NRG3: variants seen among roughly 807,000 people sequenced by gnomAD.
The protein encoded by NRG3 is pro-neuregulin-3, membrane-bound isoform.
Under a neutral mutation model 66.9 loss-of-function variants are expected in NRG3, and 31 were observed. The observed-to-expected ratio is 0.46, with a 90% CI of 0.35 to 0.63. The LOEUF is 0.63. Among genes scored for constraint, NRG3 ranks in the 20% least tolerant of loss-of-function variants. The pLI is 0.00. For missense variants in NRG3, 910 were observed against 878.9 expected, an observed-to-expected ratio of 1.04 and a Z score of -0.45; for synonymous variants, 393 against 359.4, an observed-to-expected ratio of 1.09 and a Z score of -1.06.
intron 3 of NRG3, among the ~76,000 whole-genome samples, chr10:82,789,524 G>A (rs2060498862): frequency 6.6e-6 from 1 of 151,906 alleles, no homozygotes; most frequent in Non-Finnish European, 1.5e-5. Context: ...TGTTTGCATG[G>A]CATATCATTT....
At chr10:82,059,987 A>G (rs2064057283) in intron 1 of NRG3, among the ~76,000 whole-genome samples, 2 of 152,352 alleles carry the variant, frequency 1.3e-5, no homozygotes, top group South Asian at 4.1e-4. Flanking sequence ...CTGGACCCCA[A>G]GGAAATCAAC....
chr10:82,604,452 G>T (rs890538494), intron 2 of NRG3, among the ~76,000 whole-genome samples: 6 of 152,028 alleles, frequency 3.9e-5, no homozygotes, highest in Non-Finnish European at 7.4e-5. Context: ...AGGCCATTTT[G>T]GTTGCTGTCA....
intron 1 of NRG3, among the ~76,000 whole-genome samples, chr10:82,105,317 AAAGCCCGATATTGT>A (rs1461869926): frequency 2.6e-5 from 4 of 152,154 alleles, no homozygotes; most frequent in African/African-American, 7.2e-5. Context: ...GTACAAGTAG[AAAGCCCGATATTGT>A]AAGCTCTCAA....
chr10:82,853,690 G>A (rs7085792), intron 3 of NRG3, among the ~76,000 whole-genome samples: 3,484 of 152,128 alleles, frequency 0.023, 143 homozygotes, highest in African/African-American at 0.08. Flanking sequence ...TCAGTTCTAG[G>A]CATTTTTTGG....
At chr10:82,771,035 C>T (rs1189566581) in intron 3 of NRG3, among the ~76,000 whole-genome samples, 1 of 152,042 alleles carries the variant, frequency 6.6e-6, no homozygotes, top group South Asian at 2.1e-4. Flanking sequence ...AATTAATGAT[C>T]CAAGGATTTA....
At chr10:82,377,229 A>G (rs1028395507) in intron 2 of NRG3, among the ~76,000 whole-genome samples, 8 of 152,226 alleles carry the variant, frequency 5.3e-5, no homozygotes, top group African/African-American at 1.7e-4. Flanking sequence ...CATTTTATGC[A>G]TGTGTCATAT....
At chr10:82,838,118 A>G (rs2062870637) in intron 3 of NRG3, among the ~76,000 whole-genome samples, 1 of 152,168 alleles carries the variant, frequency 6.6e-6, no homozygotes, top group Non-Finnish European at 1.5e-5. Flanking sequence ...TGGAGGAGTA[A>G]CTTTGGTCTT....
chr10:82,924,578 T>TA (rs11376707), intron 4 of NRG3, among the ~76,000 whole-genome samples: 67,061 of 142,268 alleles, frequency 0.47, 15,909 homozygotes, highest in East Asian at 0.64. Context: ...TATCTCACAT[T>TA]AAAAAAAAAA....
At chr10:82,983,399 G>A (rs1853126112) in intron 8 of NRG3, among the ~76,000 whole-genome samples, 1 of 152,160 alleles carries the variant, frequency 6.6e-6, no homozygotes, top group Non-Finnish European at 1.5e-5. Context: ...TGAGAATGGA[G>A]TAATATTCCC....
At chr10:82,297,481 A>G (rs2080138540) in intron 1 of NRG3, among the ~76,000 whole-genome samples, 1 of 152,154 alleles carries the variant, frequency 6.6e-6, no homozygotes, top group Admixed American at 6.5e-5. Context: ...GGAGGGCAAC[A>G]TGTATAACAT....
intron 2 of NRG3, among the ~76,000 whole-genome samples, chr10:82,702,854 A>G (rs1243922038): frequency 1.3e-5 from 2 of 152,170 alleles, no homozygotes; most frequent in Non-Finnish European, 2.9e-5. Flanking sequence ...AAATGTGATA[A>G]ACATGCTTTG....
At chr10:82,259,692 C>T (rs962850205) in intron 1 of NRG3, among the ~76,000 whole-genome samples, 1 of 152,146 alleles carries the variant, frequency 6.6e-6, no homozygotes, top group Non-Finnish European at 1.5e-5. Flanking sequence ...CTTTGAAAGG[C>T]AGAGGTGGAA....
intron 1 of NRG3, among the ~76,000 whole-genome samples, chr10:81,995,334 G>A (rs547377733): frequency 6.6e-6 from 1 of 152,222 alleles, no homozygotes; most frequent in Admixed American, 6.5e-5. Flanking sequence ...CTATTTTCTT[G>A]ACTGTCCCTG....
chr10:82,452,569 A>G (rs1564937277), intron 2 of NRG3, among the ~76,000 whole-genome samples: 3 of 152,184 alleles, frequency 2.0e-5, no homozygotes, highest in African/African-American at 4.8e-5. Context: ...GAGAAATACA[A>G]ACCACCCTTT....
intron 2 of NRG3, among the ~76,000 whole-genome samples, chr10:82,522,039 C>CTTTTTT (rs71009811): frequency 2.0e-5 from 2 of 97,742 alleles, no homozygotes; most frequent in Non-Finnish European, 2.0e-5. Context: ...CCGCTGAAGT[C>CTTTTTT]TTTTTTTTTT....
Position 82,756,684 on chromosome 10 carries a change from G to A in NRG3, c.1027+18034G>A, listed in dbSNP as rs187269564. On this transcript the variant is annotated intron_variant, in intron 3 of 8. Coordinates refer to ENST00000372141, the MANE Select transcript of NRG3 (RefSeq NM_001010848.4). ...CTACTTAATTTAAAAGTGGTACAAA[G>A]TACCAGGAAGTAAATGTCCAGAATG... 1.5e-3 allele frequency among the ~76,000 whole-genome samples: 222 copies of A among 152,156 alleles called. 3 individuals carry two copies. Among genetic ancestry groups the A allele is most frequent in the Admixed American group, 2.9e-3 (44 of 15,258 alleles).
In NRG3 at chr10:82,894,416, A is replaced by T. The variant is rs117992239; in HGVS notation, c.1054+28979A>T. On this transcript the variant is annotated intron_variant, in intron 4 of 8. Transcript: ENST00000372141. ...ATTCCTTTTAAATCAGTGGGGACCA[A>T]TAGTTTTAAAAGGGTAAGATTTAAG... is the stretch of plus-strand genomic sequence containing the variant. Among the ~76,000 whole-genome samples the T allele has an allele frequency of 1.1e-3, 174 of 152,324 alleles. 1 individual carries two copies. In the East Asian group the frequency reaches 0.032, roughly 28 times the overall value.
intron 1 of NRG3, among the ~76,000 whole-genome samples, chr10:82,077,064 G>A (rs1460899974): frequency 6.6e-6 from 1 of 152,122 alleles, no homozygotes; most frequent in Admixed American, 6.5e-5. Flanking sequence ...TTGGCAAAAT[G>A]ATAGCAAATA....
intron 1 of NRG3, among the ~76,000 whole-genome samples, chr10:81,937,443 T>G (rs1159621915): frequency 6.6e-6 from 1 of 152,066 alleles, no homozygotes; most frequent in Non-Finnish European, 1.5e-5. Context: ...ATTATTATTA[T>G]TATTTTTAAT....
Sources: gnomAD v4.1 joint callset for allele counts (sites outside exome capture counted in the v4.1 genomes callset) on GRCh38, gnomAD v4.1.1 for gene constraint, MANE v1.5 for transcripts, NCBI Gene and HGNC (gene_info 2026-07-23, HGNC 2026-07-21) for gene names.